The following GRIK2 variants were observed in gnomAD, a reference collection of about 807,000 sequenced individuals.
The protein encoded by GRIK2 is glutamate receptor ionotropic, kainate 2.
Under a neutral mutation model 100.3 loss-of-function variants are expected in GRIK2, and 32 were observed. The ratio of observed to expected loss-of-function variants is 0.32; its 90% CI spans 0.24 to 0.43. The LOEUF is 0.43. Among genes scored for constraint, GRIK2 ranks in the 20% least tolerant of loss-of-function variants. The probability of loss-of-function intolerance (pLI) is 1.00; values close to 1 mark genes in which losing one functional copy is unlikely to be tolerated. For missense variants in GRIK2, 843 were observed against 1,114.9 expected (o/e 0.76, Z 3.47); for synonymous variants, 417 against 389.4 (o/e 1.07, Z -0.83).
chr6:101,722,958 G>C (rs531043051), intron 7 of GRIK2, among the ~76,000 whole-genome samples: 7 of 152,120 alleles, frequency 4.6e-5, no homozygotes, highest in African/African-American at 1.4e-4. Flanking sequence ...TCTTATCAGG[G>C]ATACATCTGC....
chr6:101,562,537 T>A (rs1322799460), intron 2 of GRIK2, among the ~76,000 whole-genome samples: 2 of 151,916 alleles, frequency 1.3e-5, no homozygotes, highest in East Asian at 3.9e-4. Flanking sequence ...GATATGGGGT[T>A]TCTTCATGTT....
intron 7 of GRIK2, among the ~76,000 whole-genome samples, chr6:101,717,911 G>A (rs916399175): frequency 1.3e-5 from 2 of 151,438 alleles, no homozygotes; most frequent in Non-Finnish European, 3.0e-5. Context: ...TACTACCCAG[G>A]TCCATAAATA....
intron 7 of GRIK2, among the ~76,000 whole-genome samples, chr6:101,725,873 T>A (rs1461532677): frequency 6.6e-6 from 1 of 152,040 alleles, no homozygotes. Context: ...AATGAATATT[T>A]ATTCCATACA....
intron 4 of GRIK2, among the ~76,000 whole-genome samples, chr6:101,639,195 C>G (rs917039088): frequency 2.6e-5 from 4 of 152,058 alleles, no homozygotes; most frequent in African/African-American, 9.7e-5. Context: ...TGCCACCATG[C>G]CCGGCTAATT....
Position 101,403,906 on chromosome 6 carries a change from T to TA in GRIK2, c.115+4521dup, listed in dbSNP as rs201305898. ...AATCGCCAACACAACGATCACACTT[T>TA]AAAAAAATCAGTTTTTCTCATAAGT... On this transcript the variant is annotated intron_variant, in intron 2 of 16. Transcript: ENST00000369134. 2.8e-3 allele frequency among the ~76,000 whole-genome samples: 431 copies of TA among 152,274 alleles called. 1 individual carries two copies. The highest frequency in any genetic ancestry group is 9.9e-3 in the African/African-American group (411 of 41,562).
chr6:101,423,848 C>A (rs1323885885), intron 2 of GRIK2, among the ~76,000 whole-genome samples: 1 of 152,054 alleles, frequency 6.6e-6, no homozygotes, highest in Non-Finnish European at 1.5e-5. Flanking sequence ...AAATCAGAAT[C>A]ATGAAGAGAT....
intron 14 of GRIK2, among the ~76,000 whole-genome samples, chr6:101,944,443 T>A (rs1180742932): frequency 2.6e-5 from 4 of 152,184 alleles, no homozygotes; most frequent in Admixed American, 2.6e-4. Context: ...ATTGCCAGTT[T>A]GTAGAACTAT....
intron 11 of GRIK2, among the ~76,000 whole-genome samples, chr6:101,870,961 T>C: frequency 6.6e-6 from 1 of 151,884 alleles, no homozygotes; most frequent in East Asian, 1.9e-4. Context: ...AGTTTTATCT[T>C]TAAATCCTGC....
chr6:102,055,467 G>T lies in GRIK2; in HGVS notation c.2449G>T (p.Val817Phe). ...EESKEASALGVQNIGGIFIVL... is the reference protein window; with the variant it reads ...EESKEASALGFQNIGGIFIVL... Reference sequence around the variant, plus strand: ...GAGCAAAGAGGCCAGTGCCCTGGGGGTTCAGAATATTGGTGGCATCTTCAT... The same window carrying T: ...GAGCAAAGAGGCCAGTGCCCTGGGGTTTCAGAATATTGGTGGCATCTTCAT... Residue 817 changes from valine (V) to phenylalanine (F), a missense_variant, in exon 16 of 17, where the codon GTT (valine) becomes TTT (phenylalanine). Transcript: ENST00000369134. 1 of 1,613,810 alleles carries T rather than the reference G, an allele frequency of 6.2e-7. No individual in the cohort carries two copies. The highest frequency in any genetic ancestry group is 1.1e-5 in the South Asian group (1 of 91,080).
intron 14 of GRIK2, among the ~76,000 whole-genome samples, chr6:101,981,012 G>A (rs1165731265): frequency 2.0e-5 from 3 of 150,358 alleles, no homozygotes; most frequent in Non-Finnish European, 4.4e-5. Context: ...TTATTCCCAG[G>A]CAACAGAATT....
chr6:101,657,389 A>G (rs1236050853), intron 4 of GRIK2, among the ~76,000 whole-genome samples: 1 of 152,148 alleles, frequency 6.6e-6, no homozygotes, highest in South Asian at 2.1e-4. Flanking sequence ...AGGCCTCCTC[A>G]GCCATGGGGA....
chr6:101,706,236 T>G (rs1773289247), intron 7 of GRIK2, among the ~76,000 whole-genome samples: 1 of 151,998 alleles, frequency 6.6e-6, no homozygotes, highest in African/African-American at 2.4e-5. Flanking sequence ...CATGATAGTT[T>G]AAAAAAATTA....
chr6:101,953,376 T>G (rs2128479976), intron 14 of GRIK2, among the ~76,000 whole-genome samples: 1 of 152,296 alleles, frequency 6.6e-6, no homozygotes, highest in South Asian at 2.1e-4. Context: ...TTACATTGCC[T>G]TTAGCAGTGT....
At chr6:101,599,795 G>C (rs1040935160) in intron 2 of GRIK2, among the ~76,000 whole-genome samples, 1 of 151,466 alleles carries the variant, frequency 6.6e-6, no homozygotes, top group Non-Finnish European at 1.5e-5. Context: ...ATAGATTTTG[G>C]AATTAGAACT....
chr6:101,993,823 AAT>A (rs1247088528), intron 14 of GRIK2: 1 of 147,928 alleles, frequency 6.8e-6, no homozygotes, highest in East Asian at 2.0e-4. Flanking sequence ...AATAAAAATA[AAT>A]ATATATGTTC....
At chr6:102,012,233 T>C (rs66593284) in intron 14 of GRIK2, among the ~76,000 whole-genome samples, 42,099 of 152,104 alleles carry the variant, frequency 0.28, 6,253 homozygotes, top group East Asian at 0.34. Context: ...TACCACACTA[T>C]GTTGATCACT....
intron 2 of GRIK2, among the ~76,000 whole-genome samples, chr6:101,450,134 A>G (rs1489328161): frequency 2.0e-5 from 3 of 151,740 alleles, no homozygotes; most frequent in Admixed American, 1.3e-4. Context: ...CAAGGTTACT[A>G]GTTCTTAGAC....
chr6:101,532,569 T>C (rs1185136240), intron 2 of GRIK2, among the ~76,000 whole-genome samples: 1 of 151,198 alleles, frequency 6.6e-6, no homozygotes, highest in Non-Finnish European at 1.5e-5. Flanking sequence ...ATTTGTGTCC[T>C]TAATATAACA....
At chr6:102,044,998 A>G (rs540230685) in intron 15 of GRIK2, among the ~76,000 whole-genome samples, 3 of 152,170 alleles carry the variant, frequency 2.0e-5, no homozygotes, top group African/African-American at 4.8e-5. Flanking sequence ...TTTTTAAAGT[A>G]TCTTTTTCTC....
Sources: gnomAD v4.1 joint callset for allele counts (sites outside exome capture counted in the v4.1 genomes callset) on GRCh38, gnomAD v4.1.1 for gene constraint, MANE v1.5 for transcripts, NCBI Gene and HGNC (gene_info 2026-07-23, HGNC 2026-07-21) for gene names.